The following CTNND2 variants were observed in gnomAD, a reference collection of about 807,000 sequenced individuals.
CTNND2 encodes the protein catenin delta-2.
Under a neutral mutation model 144.4 loss-of-function variants are expected in CTNND2, and 22 were observed. The ratio of observed to expected loss-of-function variants is 0.15; its 90% CI spans 0.11 to 0.22. The LOEUF is 0.22. Among genes scored for constraint, CTNND2 ranks in the 10% least tolerant of loss-of-function variants. CTNND2 has a pLI of 1.00. For missense variants in CTNND2, 1,353 were observed against 1,618.8 expected (o/e 0.84, Z 2.82); for synonymous variants, 751 against 695.6 (o/e 1.08, Z -1.25).
At chr5:11,548,801 C>A (rs923676711) in intron 3 of CTNND2, among the ~76,000 whole-genome samples, 2 of 152,096 alleles carry the variant, frequency 1.3e-5, no homozygotes, top group African/African-American at 2.4e-5. Flanking sequence ...GTCAATATTT[C>A]TTTAAATGTT....
intron 15 of CTNND2, among the ~76,000 whole-genome samples, chr5:11,090,429 T>C (rs1750648878): frequency 6.6e-6 from 1 of 152,192 alleles, no homozygotes; most frequent in Non-Finnish European, 1.5e-5. Context: ...TTGTGGCCTG[T>C]TAGGAACTGG....
At chr5:11,666,719 G>A (rs1211475884) in intron 2 of CTNND2, among the ~76,000 whole-genome samples, 1 of 152,128 alleles carries the variant, frequency 6.6e-6, no homozygotes, top group Non-Finnish European at 1.5e-5. Flanking sequence ...GTAATGTAAA[G>A]TGAATGAATT....
intron 9 of CTNND2, among the ~76,000 whole-genome samples, chr5:11,264,559 A>G (rs1745248841): frequency 6.6e-6 from 1 of 152,228 alleles, no homozygotes; most frequent in Non-Finnish European, 1.5e-5. Flanking sequence ...AACTGACACC[A>G]CATCTCCAGA....
intron 9 of CTNND2, among the ~76,000 whole-genome samples, chr5:11,255,499 T>G (rs75561290): frequency 0.014 from 2,170 of 152,316 alleles, 24 homozygotes; most frequent in Middle Eastern, 0.048. Flanking sequence ...AATACTTTCT[T>G]AGAACTAAAA....
chr5:11,382,951 T>A (rs2149796523), intron 7 of CTNND2, among the ~76,000 whole-genome samples: 1 of 152,276 alleles, frequency 6.6e-6, no homozygotes, highest in East Asian at 1.9e-4. Flanking sequence ...ATACAATCTA[T>A]TTTTACAATG....
At chr5:11,803,318 C>CA (rs1307210210) in intron 1 of CTNND2, among the ~76,000 whole-genome samples, 32 of 50,366 alleles carry the variant, frequency 6.4e-4, no homozygotes, top group South Asian at 1.6e-3. Flanking sequence ...GACTGCGTCT[C>CA]AAAAAAAAAA....
chr5:11,235,659 T>A (rs369980772), intron 10 of CTNND2, among the ~76,000 whole-genome samples: 9 of 152,276 alleles, frequency 5.9e-5, no homozygotes, highest in African/African-American at 2.2e-4. Context: ...TGTCTCCAGA[T>A]ATCAAATGTA....
intron 2 of CTNND2, among the ~76,000 whole-genome samples, chr5:11,595,154 G>T (rs559474981): frequency 1.3e-4 from 20 of 152,274 alleles, no homozygotes; most frequent in African/African-American, 4.8e-4. Flanking sequence ...AGCAGTTATC[G>T]CTGCTGAAAT....
At chr5:11,249,411 G>A (rs983983611) in intron 9 of CTNND2, among the ~76,000 whole-genome samples, 4 of 152,308 alleles carry the variant, frequency 2.6e-5, no homozygotes, top group African/African-American at 9.6e-5. Flanking sequence ...TGTGTGTCTT[G>A]GGAAGATTCA....
intron 9 of CTNND2, among the ~76,000 whole-genome samples, chr5:11,240,257 C>G (rs200604189): frequency 7.9e-6 from 1 of 126,722 alleles, no homozygotes; most frequent in Non-Finnish European, 1.7e-5. Flanking sequence ...ACTCACACAC[C>G]CAACACACAC....
intron 16 of CTNND2, among the ~76,000 whole-genome samples, chr5:11,033,819 G>A (rs775398410): frequency 1.6e-4 from 24 of 149,872 alleles, no homozygotes; most frequent in Non-Finnish European, 2.5e-4. Context: ...AACAGAGTAC[G>A]ACTGTCTCAA....
intron 8 of CTNND2, among the ~76,000 whole-genome samples, chr5:11,356,840 A>T (rs1301525104): frequency 6.6e-6 from 1 of 151,952 alleles, no homozygotes; most frequent in Non-Finnish European, 1.5e-5. Flanking sequence ...AGCAAAAAAA[A>T]AAAAGTTCCG....
chr5:11,879,976 T>G (rs1486463884), intron 1 of CTNND2, among the ~76,000 whole-genome samples: 1 of 152,142 alleles, frequency 6.6e-6, no homozygotes, highest in Non-Finnish European at 1.5e-5. Context: ...TATGGAAGAT[T>G]GTGCTGAGAT....
intron 1 of CTNND2, among the ~76,000 whole-genome samples, chr5:11,837,003 T>G (rs1794222117): frequency 6.6e-6 from 1 of 152,172 alleles, no homozygotes; most frequent in South Asian, 2.1e-4. Flanking sequence ...TATTAGGATA[T>G]GAGAACAGAA....
chr5:11,903,795 G>A lies in CTNND2; in HGVS notation c.37+22C>T, dbSNP rs1010748350. ...CGGGAGGAGGCTGCGCCCGGCCCCG[G>A]CCGCCCAGCCCCGCAACTCACCCAA... On this transcript the variant is annotated intron_variant, in intron 1 of 21. Coordinates refer to ENST00000304623, the MANE Select transcript of CTNND2 (RefSeq NM_001332.4). The surrounding 1 kb of genome is among the most constrained non-coding windows in gnomAD (Gnocchi z 5.4). The A allele has an allele frequency of 6.1e-6, 9 of 1,474,716 alleles. No individual in the cohort carries two copies. The highest frequency in any genetic ancestry group is 6.2e-6 in the Non-Finnish European group (7 of 1,120,010). The allele number at this position is 1,474,716 out of a possible 1,614,324, so 91.4% of individuals were successfully genotyped here.
intron 2 of CTNND2, among the ~76,000 whole-genome samples, chr5:11,655,872 C>CT (rs915330346): frequency 1.3e-5 from 2 of 151,450 alleles, no homozygotes; most frequent in Non-Finnish European, 3.0e-5. Context: ...CAAGTTGCTA[C>CT]TTTTTTTTTC....
intron 11 of CTNND2, 67 bp downstream of exon 11, chr5:11,199,381 G>T: frequency 1.5e-6 from 2 of 1,359,684 alleles, no homozygotes; most frequent in Non-Finnish European, 2.1e-6. Context: ...TAGTACATTT[G>T]CCTCTGTGTT....
chr5:11,611,794 A>T (rs1376869646), intron 2 of CTNND2, among the ~76,000 whole-genome samples: 1 of 152,122 alleles, frequency 6.6e-6, no homozygotes, highest in Non-Finnish European at 1.5e-5. Context: ...AAAAAAATAA[A>T]AGTTTTTTCT....
intron 2 of CTNND2, among the ~76,000 whole-genome samples, chr5:11,636,553 G>A (rs1261201082): frequency 6.6e-6 from 1 of 152,200 alleles, no homozygotes; most frequent in African/African-American, 2.4e-5. Context: ...GCAGGCAACT[G>A]AAGTGAGCAT....
Sources: allele counts gnomAD v4.1 joint callset (sites outside exome capture counted in the v4.1 genomes callset), GRCh38; gene constraint gnomAD v4.1.1; non-coding constraint Gnocchi (gnomAD v3.1); transcripts MANE v1.5; gene names NCBI Gene and HGNC (gene_info 2026-07-23, HGNC 2026-07-21).